Variants in RBM19 observed in about 807,000 individuals in gnomAD.
RBM19 encodes the protein probable RNA-binding protein 19.
RBM19 carries 94 observed loss-of-function variants against 116.8 expected under a neutral mutation model. That is an observed-to-expected ratio of 0.80 (90% CI 0.68 to 0.95). The LOEUF is 0.95. Among genes scored for constraint, RBM19 ranks in the 40% least tolerant of loss-of-function variants. RBM19 has a pLI of 0.00. For missense variants in RBM19, 1,161 were observed against 1,220.7 expected (o/e 0.95, Z 0.73); for synonymous variants, 475 against 494.1 (o/e 0.96, Z 0.51).
At chr12:113,868,327 G>A (rs1878985181) in intron 21 of RBM19, among the ~76,000 whole-genome samples, 2 of 152,140 alleles carry the variant, frequency 1.3e-5, no homozygotes, top group African/African-American at 4.8e-5. Flanking sequence ...AGAAGCAACT[G>A]AAGGGGGAAC....
rs189426953 is a variant in RBM19, at chr12:113,928,080, T to C, written c.2069-851A>G. ...AGCTAGGTGCGGTGGCTCATGCCTG[T>C]AATCCCAGCACTCTGGGAGGCGGAG... On this transcript the variant is annotated intron_variant, in intron 16 of 23. Transcript: ENST00000261741. Among the ~76,000 whole-genome samples the C allele has an allele frequency of 1.6e-4, 25 of 152,334 alleles. 1 individual carries two copies. Among genetic ancestry groups the C allele is most frequent in the Admixed American group, 1.6e-3 (25 of 15,310 alleles).
intron 23 of RBM19, among the ~76,000 whole-genome samples, chr12:113,835,393 G>T (rs189858223): frequency 1.3e-5 from 2 of 152,186 alleles, no homozygotes; most frequent in Non-Finnish European, 2.9e-5. Context: ...CACGGAGAAG[G>T]ATCTTAATTG....
At chr12:113,902,235 C>T (rs986942246) in intron 21 of RBM19, among the ~76,000 whole-genome samples, 3 of 152,256 alleles carry the variant, frequency 2.0e-5, no homozygotes, top group Admixed American at 1.3e-4. Flanking sequence ...ACAAGGACCC[C>T]CTAAGCTACC....
At chr12:113,947,271 C>A in intron 11 of RBM19, 63 bp downstream of exon 11, 1 of 1,527,434 alleles carries the variant, frequency 6.5e-7, no homozygotes, top group Non-Finnish European at 8.9e-7. Flanking sequence ...CACACACACA[C>A]ACCAGCCTTT....
At chr12:113,836,634 T>C (rs1229857450) in intron 23 of RBM19, among the ~76,000 whole-genome samples, 22 of 152,078 alleles carry the variant, frequency 1.4e-4, no homozygotes. Context: ...TTACGGTTGC[T>C]GCTTGAGCAG....
chr12:113,823,123 TC>T lies in RBM19; in HGVS notation c.*100del. The T allele has an allele frequency of 8.9e-7, 1 of 1,124,294 alleles. No homozygotes were observed. 69.6% of individuals were successfully genotyped at this position (1,124,294 alleles called of 1,614,324 possible). A position where few individuals can be genotyped will look rare whatever the true frequency, so the allele number is the denominator to read the frequency against. On this transcript the variant is annotated 3_prime_UTR_variant, in exon 24 of 24. Transcript: ENST00000261741. ...AGTGCAGGGTGGGGCCGCCTGCCGC[TC>T]CCCGCCCCGCCCCCCAGCCCACATG...
chr12:113,964,128 C>T (rs929230385), intron 1 of RBM19, among the ~76,000 whole-genome samples: 1 of 152,250 alleles, frequency 6.6e-6, no homozygotes, highest in Non-Finnish European at 1.5e-5. Context: ...CCTCTATCTA[C>T]AGTGTCAGCA....
intron 8 of RBM19, 119 bp downstream of exon 8, chr12:113,952,393 G>T: frequency 1.1e-6 from 1 of 892,330 alleles, no homozygotes; most frequent in African/African-American, 1.7e-5. Flanking sequence ...CCACACAACT[G>T]AGGACCACAA....
intron 21 of RBM19, among the ~76,000 whole-genome samples, chr12:113,862,780 A>G (rs1878499581): frequency 6.6e-6 from 1 of 152,182 alleles, no homozygotes; most frequent in Admixed American, 6.5e-5. Flanking sequence ...GATAATAGAA[A>G]CCACAAAGTA....
Position 113,871,493 on chromosome 12 carries a change from G to T in RBM19, c.2559-12597C>A, listed in dbSNP as rs1744728677. Among the ~76,000 whole-genome samples, 3 of 152,196 alleles carry T rather than the reference G, an allele frequency of 2.0e-5. No individual in the cohort carries two copies. The South Asian group carries it at 6.2e-4, about 32-fold the overall frequency. ...AGACAGTCAATAATTTTAGCTTTGC[G>T]ACTACTCTACTCTGCTCTGTAGCGT... On this transcript the variant is annotated intron_variant, in intron 21 of 23. Transcript: ENST00000261741.
At chr12:113,952,491 T>A (rs1248917396) in intron 8 of RBM19, 21 bp downstream of exon 8, 5 of 1,603,574 alleles carry the variant, frequency 3.1e-6, no homozygotes, top group Admixed American at 3.3e-5. Flanking sequence ...CCTTCCCACC[T>A]GGAAACATCC....
At chr12:113,855,002 GGAGC>G (rs1384362654) in intron 22 of RBM19, among the ~76,000 whole-genome samples, 3 of 152,244 alleles carry the variant, frequency 2.0e-5, no homozygotes, top group African/African-American at 4.8e-5. Context: ...CAGCCTTTGA[GGAGC>G]CTCTGGCTAG....
chr12:113,898,128 C>A lies in RBM19; in HGVS notation c.2558+16841G>T, dbSNP rs751962179. On this transcript the variant is annotated intron_variant, in intron 21 of 23. Coordinates refer to ENST00000261741, the MANE Select transcript of RBM19 (RefSeq NM_016196.4). The surrounding 1 kb of genome is among the most constrained non-coding windows in gnomAD (Gnocchi z 4.3). ...TAAAGTAAGAGTCCATTTAATGGAA[C>A]AGTTTCTCTAATTAGGGTCTGCTGC... Among the ~76,000 whole-genome samples, 1 of 151,808 alleles carries A rather than the reference C, an allele frequency of 6.6e-6. No individual in the cohort carries two copies. The highest frequency in any genetic ancestry group is 2.4e-5 in the African/African-American group (1 of 41,278).
intron 21 of RBM19, among the ~76,000 whole-genome samples, chr12:113,889,985 A>C (rs1880836460): frequency 6.6e-6 from 1 of 152,016 alleles, no homozygotes; most frequent in Non-Finnish European, 1.5e-5. Context: ...TCCCTGCTCC[A>C]AGGCTGCAGC....
chr12:113,820,091 T>G (rs1406920910), downstream of RBM19, among the ~76,000 whole-genome samples: 1 of 151,950 alleles, frequency 6.6e-6, no homozygotes, highest in Admixed American at 6.6e-5. Context: ...CTGGGTGTGG[T>G]TACTGCAGAC....
intron 21 of RBM19, among the ~76,000 whole-genome samples, chr12:113,891,338 A>C (rs1201378651): frequency 1.3e-5 from 2 of 152,192 alleles, no homozygotes; most frequent in Non-Finnish European, 2.9e-5. Flanking sequence ...CAACATTAGC[A>C]CAACTTGTTT....
At chr12:113,959,121 T>C (rs1000203685) in intron 5 of RBM19, 91 bp downstream of exon 5, 77 of 1,430,822 alleles carry the variant, frequency 5.4e-5, no homozygotes, top group African/African-American at 2.8e-5. Flanking sequence ...ACCTGACTCC[T>C]AGAGTCTGCA....
At chr12:113,948,797 G>A (rs758892748) in intron 10 of RBM19, 36 bp downstream of exon 10, 26 of 1,606,382 alleles carry the variant, frequency 1.6e-5, no homozygotes, top group Middle Eastern at 1.7e-4. Flanking sequence ...TCCCATAGCC[G>A]CTGGGCTATC....
chr12:113,942,451 G>A lies in RBM19; in HGVS notation c.1627-17C>T, dbSNP rs376141179. ...CTTGGTCTCCTGTGGAAGAGGAAAG[G>A]AAGAGTTCTGGTTGGCTGTCGGCCA... On this transcript the variant is annotated splice_polypyrimidine_tract_variant and intron_variant, in intron 13 of 23. Transcript: ENST00000261741. The A allele has an allele frequency of 6.3e-7, 1 of 1,591,386 alleles. No individual in the cohort carries two copies. The highest frequency in any genetic ancestry group is 1.3e-5 in the African/African-American group (1 of 74,586).
Sources: gnomAD v4.1 joint callset for allele counts (sites outside exome capture counted in the v4.1 genomes callset) on GRCh38, gnomAD v4.1.1 for gene constraint, Gnocchi (gnomAD v3.1) non-coding constraint, MANE v1.5 for transcripts, NCBI Gene and HGNC (gene_info 2026-07-23, HGNC 2026-07-21) for gene names.